DEPDC5: variants seen among roughly 807,000 people sequenced by gnomAD.
DEPDC5 encodes DEP domain containing 5, GATOR1 subcomplex subunit, also known as GATOR1 complex protein DEPDC5.
DEPDC5 carries 73 observed loss-of-function variants against 217.3 expected under a neutral mutation model. The ratio of observed to expected loss-of-function variants is 0.34; its 90% CI spans 0.28 to 0.41. The LOEUF is 0.41. DEPDC5 is among the 10% of genes least tolerant of loss of function. DEPDC5 has a pLI of 1.00. For missense variants in DEPDC5, 1,675 were observed against 2,070.1 expected, an observed-to-expected ratio of 0.81 and a Z score of 3.70; for synonymous variants, 733 against 756.7, an observed-to-expected ratio of 0.97 and a Z score of 0.51.
chr22:31,843,854 G>T (rs1441192428), intron 29 of DEPDC5, 42 bp downstream of exon 29: 1 of 1,558,532 alleles, frequency 6.4e-7, no homozygotes, highest in East Asian at 2.3e-5. Context: ...GCATCCTTGG[G>T]CAAGGATGTG....
In DEPDC5 at chr22:31,906,570, C is replaced by A; in HGVS notation, c.*73C>A. 3 of 1,565,924 alleles carry A rather than the reference C, an allele frequency of 1.9e-6. No homozygotes were observed. Among genetic ancestry groups the A allele is most frequent in the South Asian group, 2.4e-5 (2 of 84,762 alleles). ...CAAACCCGGGGCGGAGGATTCCAGG[C>A]AGGCTCTAGGAGTCAGGTGTCCGTT... On this transcript the variant is annotated 3_prime_UTR_variant, in exon 43 of 43. Transcript: ENST00000651528. This position sits in a 1 kb window ranked among gnomAD's most constrained non-coding sequence, Gnocchi z 5.1.
chr22:31,766,757 T>C, intron 6 of DEPDC5, 89 bp downstream of exon 6: 1 of 1,182,184 alleles, frequency 8.5e-7, no homozygotes, highest in Non-Finnish European at 1.2e-6. Flanking sequence ...TAAAATCGTT[T>C]CTGATTTTAT....
intron 27 of DEPDC5, among the ~76,000 whole-genome samples, chr22:31,842,369 A>T (rs990558052): frequency 6.6e-6 from 1 of 152,168 alleles, no homozygotes; most frequent in Non-Finnish European, 1.5e-5. Flanking sequence ...TGAGGTTGGG[A>T]GTTCAAGACC....
At chr22:31,857,424 A>T in intron 31 of DEPDC5, 21 bp from the exon 32 acceptor site, 1 of 1,577,734 alleles carries the variant, frequency 6.3e-7, no homozygotes, top group Non-Finnish European at 8.6e-7. Context: ...AGCTGCTGTC[A>T]TGTGCTTTTC....
At chr22:31,827,726 G>C (rs1266453735) in intron 24 of DEPDC5, among the ~76,000 whole-genome samples, 1 of 152,112 alleles carries the variant, frequency 6.6e-6, no homozygotes, top group African/African-American at 2.4e-5. Context: ...ATTTCACTCT[G>C]GAGGTTCCCC....
Position 31,843,081 on chromosome 22 carries a change from T to A in DEPDC5, c.2516-14T>A. The A allele has an allele frequency of 6.3e-7, 1 of 1,592,350 alleles. No homozygotes were observed. The highest frequency in any genetic ancestry group is 8.6e-7 in the Non-Finnish European group (1 of 1,162,124). On this transcript the variant is annotated splice_polypyrimidine_tract_variant and intron_variant, in intron 27 of 42. Coordinates refer to ENST00000651528, the MANE Select transcript of DEPDC5 (RefSeq NM_001242896.3). ...GCTTCAAACAGATGGAGGAAATTAT[T>A]ATTTTTCTGTTAGGCCTTGTGTCCC...
At chr22:31,822,324 C>T (rs918438811) in intron 23 of DEPDC5, among the ~76,000 whole-genome samples, 12 of 152,132 alleles carry the variant, frequency 7.9e-5, no homozygotes, top group Admixed American at 3.9e-4. Flanking sequence ...ATGGGGAGGG[C>T]GTGACCTTCT....
intron 21 of DEPDC5, chr22:31,817,590 G>A (rs1436595107): frequency 1.8e-5 from 4 of 220,394 alleles, no homozygotes; most frequent in East Asian, 1.3e-4. Context: ...CTGGGCTCAC[G>A]TGATCCTCCC....
rs1601669361 is a variant in DEPDC5 at position 31,768,798 on chromosome 22, C to T, written c.364-16C>T. 6.2e-7 allele frequency: 1 copy of T among 1,610,358 alleles called. No homozygotes were observed. The highest frequency in any genetic ancestry group is 8.5e-7 in the Non-Finnish European group (1 of 1,177,366). On this transcript the variant is annotated splice_polypyrimidine_tract_variant and intron_variant, in intron 6 of 42. Coordinates refer to ENST00000651528, the MANE Select transcript of DEPDC5 (RefSeq NM_001242896.3). ...CCTCCCTCCCTCTCTCTACCCCTCT[C>T]TCCCCCTCCTCTTAGGTCAGCACAT... is the stretch of plus-strand genomic sequence containing the variant.
At chr22:31,845,863 C>G (rs1050628088) in intron 30 of DEPDC5, among the ~76,000 whole-genome samples, 5 of 138,326 alleles carry the variant, frequency 3.6e-5, no homozygotes, top group Non-Finnish European at 7.9e-5. Context: ...TCATGCTAGT[C>G]TTTTTTTTTT....
intron 20 of DEPDC5, among the ~76,000 whole-genome samples, chr22:31,811,266 C>T (rs1022589452): frequency 6.6e-6 from 1 of 151,942 alleles, no homozygotes; most frequent in Non-Finnish European, 1.5e-5. Flanking sequence ...GATGGGGTTT[C>T]GCCATGGTGG....
chr22:31,899,093 C>T (rs913178379), intron 40 of DEPDC5, among the ~76,000 whole-genome samples: 1 of 152,220 alleles, frequency 6.6e-6, no homozygotes, highest in Non-Finnish European at 1.5e-5. Context: ...CAGGATTGCC[C>T]ACAGGGCTGG....
Position 31,907,399 on chromosome 22 carries a change from T to A in DEPDC5, c.*902T>A, listed in dbSNP as rs868836617. On this transcript the variant is annotated 3_prime_UTR_variant, in exon 43 of 43. Transcript: ENST00000651528. ...TTTTTGTTGTTGTTTTTTTTGTTGT[T>A]TTTTTTGACACAGTTTTCACTCTTG... 36 of 152,114 alleles carry A rather than the reference T, an allele frequency of 2.4e-4. No homozygotes were observed. The highest frequency in any genetic ancestry group is 8.2e-4 in the African/African-American group (34 of 41,430). The allele number at this position is 152,114 out of a possible 1,614,324, so 9.4% of individuals were successfully genotyped here.
At chr22:31,866,415 C>G (rs915677730) in intron 33 of DEPDC5, among the ~76,000 whole-genome samples, 1 of 152,130 alleles carries the variant, frequency 6.6e-6, no homozygotes, top group Non-Finnish European at 1.5e-5. Context: ...TTGAGACAGT[C>G]TCGCTCTGTC....
chr22:31,817,498 G>A, intron 21 of DEPDC5: 2 of 463,382 alleles, frequency 4.3e-6, no homozygotes, highest in South Asian at 1.6e-5. Flanking sequence ...TCTTTTATTT[G>A]TTTGTTTTGA....
At chr22:31,787,660 A>G (rs943904441) in intron 10 of DEPDC5, among the ~76,000 whole-genome samples, 2 of 152,040 alleles carry the variant, frequency 1.3e-5, no homozygotes, top group African/African-American at 2.4e-5. Flanking sequence ...AAATAGAAAA[A>G]AATTAGCTGG....
At chr22:31,892,289 CTA>C (rs1162692992) in intron 38 of DEPDC5, among the ~76,000 whole-genome samples, 12 of 152,330 alleles carry the variant, frequency 7.9e-5, no homozygotes, top group African/African-American at 2.2e-4. Context: ...GAGAAGTAAA[CTA>C]TGGCTTAAGC....
intron 18 of DEPDC5, 38 bp downstream of exon 18, chr22:31,806,229 G>A: frequency 6.4e-7 from 1 of 1,565,372 alleles, no homozygotes; most frequent in Non-Finnish European, 8.8e-7. Context: ...GTCTTATTAT[G>A]TGGTCCAGTC....
intron 7 of DEPDC5, among the ~76,000 whole-genome samples, chr22:31,774,590 C>A (rs2083653512): frequency 6.6e-6 from 1 of 150,400 alleles, no homozygotes; most frequent in African/African-American, 2.4e-5. Context: ...CCTGTAATCC[C>A]AGCACTTTGA....
Sources: gnomAD v4.1 joint callset for allele counts (sites outside exome capture counted in the v4.1 genomes callset) on GRCh38, gnomAD v4.1.1 for gene constraint, Gnocchi (gnomAD v3.1) non-coding constraint, MANE v1.5 for transcripts, NCBI Gene and HGNC (gene_info 2026-07-23, HGNC 2026-07-21) for gene names.